FBXL7: variants seen among roughly 807,000 people sequenced by gnomAD.
The protein encoded by FBXL7 is F-box and leucine rich repeat protein 7.
A neutral mutation model predicts 38.3 loss-of-function variants in FBXL7; 12 were observed. The observed-to-expected ratio is 0.31, with a 90% CI of 0.20 to 0.51. FBXL7 has a LOEUF of 0.51. Among genes scored for constraint, FBXL7 ranks in the 20% least tolerant of loss-of-function variants. The pLI is 0.98. For synonymous variants in FBXL7, 297 were observed against 300.9 expected (o/e 0.99, Z 0.13); for missense variants, 567 against 676.4 (o/e 0.84, Z 1.79).
At chr5:15,725,545 A>T (rs1258737000) in intron 2 of FBXL7, among the ~76,000 whole-genome samples, 1 of 152,244 alleles carries the variant, frequency 6.6e-6, no homozygotes, top group Non-Finnish European at 1.5e-5. Flanking sequence ...AATGAGATTT[A>T]GTTTGTGGTC....
chr5:15,830,882 C>T (rs1245460694), intron 2 of FBXL7, among the ~76,000 whole-genome samples: 1 of 152,038 alleles, frequency 6.6e-6, no homozygotes, highest in Non-Finnish European at 1.5e-5. Flanking sequence ...CTGGAGCTGC[C>T]CATTGCCCAC....
At chr5:15,789,515 C>G (rs1437597996) in intron 2 of FBXL7, among the ~76,000 whole-genome samples, 1 of 152,188 alleles carries the variant, frequency 6.6e-6, no homozygotes, top group African/African-American at 2.4e-5. Flanking sequence ...GGGCAGCGTT[C>G]AAGGCAGTCA....
chr5:15,766,014 ATCTGTCTGTCTGTCTG>A (rs70938028), intron 2 of FBXL7, among the ~76,000 whole-genome samples: 40 of 151,192 alleles, frequency 2.6e-4, no homozygotes, highest in Non-Finnish European at 2.9e-4. Flanking sequence ...CTTCATCTAT[ATCTGTCTGTCTGTCTG>A]TCTGTCTGTC....
intron 2 of FBXL7, among the ~76,000 whole-genome samples, chr5:15,833,619 T>A (rs919796279): frequency 6.6e-6 from 1 of 152,168 alleles, no homozygotes; most frequent in African/African-American, 2.4e-5. Context: ...ACAAGACAAG[T>A]CTTTCCAGAT....
At chr5:15,752,409 G>A (rs1299344969) in intron 2 of FBXL7, among the ~76,000 whole-genome samples, 1 of 152,088 alleles carries the variant, frequency 6.6e-6, no homozygotes, top group Non-Finnish European at 1.5e-5. Flanking sequence ...AAAGGCTGGG[G>A]GCCTGTGCTT....
At position 15,779,060 on chromosome 5, in the gene FBXL7, C is replaced by A. The variant is rs769033759; in HGVS notation, c.128-148830C>A. On this transcript the variant is annotated intron_variant, in intron 2 of 3. Coordinates refer to ENST00000504595, the MANE Select transcript of FBXL7 (RefSeq NM_012304.5). ...TTGTCATTACAGTAGATGACATATA[C>A]GCTTAGGATGGGTATTTCATCTTGA... 2.6e-5 allele frequency among the ~76,000 whole-genome samples: 4 copies of A among 152,074 alleles called. No individual in the cohort carries two copies. In the East Asian group the frequency reaches 7.7e-4, roughly 29 times the overall value.
chr5:15,635,041 T>C (rs898602011), intron 2 of FBXL7, among the ~76,000 whole-genome samples: 1 of 150,806 alleles, frequency 6.6e-6, no homozygotes, highest in African/African-American at 2.4e-5. Flanking sequence ...TTTTTTTTTT[T>C]GGAGGGGGCA....
At chr5:15,707,515 G>A (rs1169446676) in intron 2 of FBXL7, among the ~76,000 whole-genome samples, 1 of 152,126 alleles carries the variant, frequency 6.6e-6, no homozygotes, top group African/African-American at 2.4e-5. Context: ...CTGTACCAAG[G>A]CATCTGAGAC....
intron 2 of FBXL7, among the ~76,000 whole-genome samples, chr5:15,781,113 T>C (rs1736979039): frequency 1.3e-5 from 2 of 152,152 alleles, no homozygotes; most frequent in African/African-American, 2.4e-5. Context: ...ATGGTCCCGT[T>C]TGAGGAAGAA....
intron 2 of FBXL7, among the ~76,000 whole-genome samples, chr5:15,813,268 A>C (rs1435638298): frequency 6.6e-6 from 1 of 152,098 alleles, no homozygotes; most frequent in Non-Finnish European, 1.5e-5. Flanking sequence ...CAGAAATAAC[A>C]CCACACATCT....
chr5:15,559,598 T>G (rs546083312), intron 1 of FBXL7, among the ~76,000 whole-genome samples: 80 of 152,352 alleles, frequency 5.3e-4, no homozygotes, highest in African/African-American at 1.9e-3. Context: ...GTTTTCCACA[T>G]GTTCGATGAA....
intron 1 of FBXL7, among the ~76,000 whole-genome samples, chr5:15,565,743 G>A (rs1430322980): frequency 1.3e-5 from 2 of 152,090 alleles, no homozygotes; most frequent in Admixed American, 1.3e-4. Context: ...CAGTTCAAGT[G>A]TGAAGGCATG....
chr5:15,875,117 A>ATTT (rs1326249031), intron 2 of FBXL7, among the ~76,000 whole-genome samples: 1 of 152,076 alleles, frequency 6.6e-6, no homozygotes, highest in Admixed American at 6.5e-5. Context: ...TCACACATCT[A>ATTT]CACACATCTG....
At chr5:15,766,350 G>T (rs1464635333) in intron 2 of FBXL7, among the ~76,000 whole-genome samples, 1 of 152,090 alleles carries the variant, frequency 6.6e-6, no homozygotes, top group African/African-American at 2.4e-5. Flanking sequence ...TCCCACCTGC[G>T]CACTGAGAGA....
intron 2 of FBXL7, among the ~76,000 whole-genome samples, chr5:15,889,323 G>A (rs1379783111): frequency 6.6e-6 from 1 of 152,184 alleles, no homozygotes; most frequent in East Asian, 1.9e-4. Flanking sequence ...CTGGGATTAA[G>A]ATTCCTTGCT....
intron 2 of FBXL7, among the ~76,000 whole-genome samples, chr5:15,824,847 C>G (rs1158122610): frequency 6.6e-6 from 1 of 152,154 alleles, no homozygotes; most frequent in African/African-American, 2.4e-5. Context: ...CATAAACTTT[C>G]ATAGCTTGAA....
At chr5:15,578,467 A>G (rs762878460) in intron 1 of FBXL7, among the ~76,000 whole-genome samples, 1 of 152,162 alleles carries the variant, frequency 6.6e-6, no homozygotes, top group Non-Finnish European at 1.5e-5. Context: ...TTTTGTATCA[A>G]ACTGGTGGAT....
chr5:15,857,959 G>A (rs1424497958), intron 2 of FBXL7, among the ~76,000 whole-genome samples: 3 of 152,082 alleles, frequency 2.0e-5, no homozygotes, highest in Admixed American at 6.6e-5. Context: ...GATATAAGTT[G>A]AGGAAATAGA....
chr5:15,884,697 C>T (rs1037085299), intron 2 of FBXL7, among the ~76,000 whole-genome samples: 16 of 152,104 alleles, frequency 1.1e-4, no homozygotes, highest in African/African-American at 3.9e-4. Context: ...GTGGAGAAAA[C>T]ACAGCTTTCT....
Sources: gnomAD v4.1 joint callset for allele counts (sites outside exome capture counted in the v4.1 genomes callset) on GRCh38, gnomAD v4.1.1 for gene constraint, MANE v1.5 for transcripts, NCBI Gene and HGNC (gene_info 2026-07-23, HGNC 2026-07-21) for gene names.